PCDH9: variants seen among roughly 807,000 people sequenced by gnomAD.
The protein encoded by PCDH9 is protocadherin 9, also known as protocadherin-9.
PCDH9 carries 24 observed loss-of-function variants against 70.6 expected under a neutral mutation model. That is an observed-to-expected ratio of 0.34 (90% confidence interval 0.25 to 0.48). PCDH9 has a LOEUF of 0.48. PCDH9 is among the 20% of genes least tolerant of loss of function. The pLI is 0.99. For synonymous variants in PCDH9, 562 were observed against 558.5 expected, an observed-to-expected ratio of 1.01 and a Z score of -0.09; for missense variants, 1,281 against 1,503.6, an observed-to-expected ratio of 0.85 and a Z score of 2.45.
At chr13:66,988,083 T>C (rs1047171986) in intron 2 of PCDH9, among the ~76,000 whole-genome samples, 6 of 151,922 alleles carry the variant, frequency 3.9e-5, no homozygotes, top group Admixed American at 3.9e-4. Flanking sequence ...TTACTTATTG[T>C]AGAGACAGGG....
chr13:66,432,278 C>A (rs1957785694), intron 4 of PCDH9, among the ~76,000 whole-genome samples: 1 of 151,672 alleles, frequency 6.6e-6, no homozygotes, highest in South Asian at 2.1e-4. Flanking sequence ...TGTAGCAGAC[C>A]CAATAGAAGA....
intron 2 of PCDH9, among the ~76,000 whole-genome samples, chr13:67,138,970 T>A (rs1469993735): frequency 6.6e-6 from 1 of 152,194 alleles, no homozygotes; most frequent in Non-Finnish European, 1.5e-5. Context: ...TATGTCTATG[T>A]GATTGAGAAA....
At position 67,154,705 on chromosome 13, in the gene PCDH9, C is replaced by CTT. The variant is rs869190537; in HGVS notation, c.3036+70698_3036+70699dup. ...GTGTTAAGTAATTTTGATCTGTAATCTTTTTTTTTTTTTTTTTGAGACAGA... is the reference window on the plus strand; with the variant it reads ...GTGTTAAGTAATTTTGATCTGTAATCTTTTTTTTTTTTTTTTTTTGAGACAGA... On this transcript the variant is annotated intron_variant, in intron 2 of 4. Transcript: ENST00000377865. Among the ~76,000 whole-genome samples, 63 of 85,284 alleles carry CTT rather than the reference C, an allele frequency of 7.4e-4. 1 individual carries two copies. Among genetic ancestry groups the CTT allele is most frequent in the African/African-American group, 2.1e-3 (56 of 26,366 alleles). The allele number at this position is 85,284 out of a possible 152,430, so 55.9% of individuals were successfully genotyped here.
intron 4 of PCDH9, among the ~76,000 whole-genome samples, chr13:66,512,169 T>G (rs1959506909): frequency 6.6e-6 from 1 of 151,868 alleles, no homozygotes; most frequent in Non-Finnish European, 1.5e-5. Flanking sequence ...CCTGCAAGAT[T>G]GACCACATTT....
intron 3 of PCDH9, among the ~76,000 whole-genome samples, chr13:66,745,688 A>C (rs1168121475): frequency 6.6e-6 from 1 of 152,066 alleles, no homozygotes; most frequent in Non-Finnish European, 1.5e-5. Flanking sequence ...AATTAATAAT[A>C]ATTATTTCCA....
At chr13:66,622,558 C>T (rs1397256827) in intron 4 of PCDH9, among the ~76,000 whole-genome samples, 2 of 152,178 alleles carry the variant, frequency 1.3e-5, no homozygotes, top group Non-Finnish European at 2.9e-5. Context: ...CACCAATCCA[C>T]ACTCTGTATC....
intron 2 of PCDH9, among the ~76,000 whole-genome samples, chr13:66,943,277 T>C (rs1353019496): frequency 6.6e-6 from 1 of 152,070 alleles, no homozygotes; most frequent in Non-Finnish European, 1.5e-5. Flanking sequence ...TTTTTCTATC[T>C]ACCTTTCCCT....
chr13:66,407,009 A>T (rs1196844169), intron 4 of PCDH9, among the ~76,000 whole-genome samples: 1 of 152,166 alleles, frequency 6.6e-6, no homozygotes, highest in Non-Finnish European at 1.5e-5. Flanking sequence ...AGAAAGCAGT[A>T]CCTTAGCAAA....
chr13:66,634,470 A>C (rs1008655496), intron 3 of PCDH9, among the ~76,000 whole-genome samples: 1 of 152,214 alleles, frequency 6.6e-6, no homozygotes, highest in Admixed American at 6.5e-5. Flanking sequence ...TTAAGGGCTC[A>C]GTAGTACTTG....
At chr13:67,187,121 T>A (rs773067572) in intron 2 of PCDH9, among the ~76,000 whole-genome samples, 1 of 152,176 alleles carries the variant, frequency 6.6e-6, no homozygotes, top group Non-Finnish European at 1.5e-5. Context: ...CCCACAGGCA[T>A]CAAAGCTGAA....
Position 67,227,078 on chromosome 13 carries a change from C to A in PCDH9, c.1363G>T (p.Val455Leu), listed in dbSNP as rs2089894970. Residue 455 changes from valine to leucine, a missense_variant, in exon 2 of 5, where the codon GTA becomes TTA. Around this residue, in one of 4 missense-constraint regions of PCDH9, gnomAD observed 798 missense variants for 1,003.1 expected, o/e 0.80. Transcript: ENST00000377865. The surrounding 1 kb of genome is among the most constrained non-coding windows in gnomAD (Gnocchi z 4.6). ...GKPSLNQTAL[V>L]RVKLEDENDN... ...TTTTCATCCTCAAGCTTAACCCTTACCAGGGCAGTCTGATTTAAACTGGGC... is the reference window on the plus strand; with the variant it reads ...TTTTCATCCTCAAGCTTAACCCTTAACAGGGCAGTCTGATTTAAACTGGGC... 6.2e-7 allele frequency: 1 copy of A among 1,613,988 alleles called. No homozygotes were observed.
At chr13:66,751,368 A>T (rs1331013751) in intron 3 of PCDH9, among the ~76,000 whole-genome samples, 2 of 152,172 alleles carry the variant, frequency 1.3e-5, no homozygotes, top group Non-Finnish European at 2.9e-5. Flanking sequence ...TAAGTTTTTT[A>T]ATGTCAAGAC....
intron 4 of PCDH9, among the ~76,000 whole-genome samples, chr13:66,400,836 T>C (rs1178269097): frequency 6.6e-6 from 1 of 152,088 alleles, no homozygotes; most frequent in Non-Finnish European, 1.5e-5. Flanking sequence ...GGAAAAAAAA[T>C]AGTCTAGTGG....
chr13:66,324,730 A>T (rs1397639458), intron 4 of PCDH9, among the ~76,000 whole-genome samples: 1 of 152,022 alleles, frequency 6.6e-6, no homozygotes, highest in African/African-American at 2.4e-5. Flanking sequence ...TAGTTTCCTA[A>T]GCAAGCAGAG....
intron 4 of PCDH9, among the ~76,000 whole-genome samples, chr13:66,502,787 G>C (rs1403719536): frequency 6.6e-6 from 1 of 152,128 alleles, no homozygotes; most frequent in African/African-American, 2.4e-5. Context: ...TCAATTAGGA[G>C]TATACTAAAC....
chr13:67,043,938 A>G (rs1159098333), intron 2 of PCDH9, among the ~76,000 whole-genome samples: 6 of 152,112 alleles, frequency 3.9e-5, no homozygotes, highest in African/African-American at 9.7e-5. Context: ...TTTTAAATGC[A>G]TGGAAACTTC....
intron 2 of PCDH9, among the ~76,000 whole-genome samples, chr13:67,049,960 G>C (rs558119650): frequency 4.5e-4 from 69 of 152,220 alleles, no homozygotes; most frequent in African/African-American, 1.6e-3. Flanking sequence ...ACTTCAGAAT[G>C]AACAATAGTA....
At chr13:66,456,472 G>A (rs966177090) in intron 4 of PCDH9, among the ~76,000 whole-genome samples, 2 of 151,992 alleles carry the variant, frequency 1.3e-5, no homozygotes, top group South Asian at 2.1e-4. Flanking sequence ...ATGTCACCAG[G>A]CTGGTATCAA....
At chr13:66,619,265 T>C (rs2077394083) in intron 4 of PCDH9, among the ~76,000 whole-genome samples, 1 of 152,176 alleles carries the variant, frequency 6.6e-6, no homozygotes, top group Non-Finnish European at 1.5e-5. Flanking sequence ...TGAGCATAAC[T>C]GCTTTTAAGA....
Sources: gnomAD v4.1 joint callset for allele counts (sites outside exome capture counted in the v4.1 genomes callset) on GRCh38, gnomAD v4.1.1 for gene constraint, gnomAD v4.1.1 regional missense constraint, Gnocchi (gnomAD v3.1) non-coding constraint, MANE v1.5 for transcripts, NCBI Gene and HGNC (gene_info 2026-07-23, HGNC 2026-07-21) for gene names.